Variants in RBFOX1 observed in about 807,000 individuals in gnomAD.
RBFOX1 encodes RNA binding fox-1 homolog 1, also known as RNA binding protein fox-1 homolog 1.
In RBFOX1, 8 loss-of-function variants were observed where a neutral mutation model predicts 57.7. The observed-to-expected ratio is 0.14, with a 90% CI of 0.08 to 0.25. The LOEUF is 0.25. Among genes scored for constraint, RBFOX1 ranks in the 10% least tolerant of loss-of-function variants. The pLI is 1.00. For synonymous variants in RBFOX1, 326 were observed against 222.4 expected, an observed-to-expected ratio of 1.47 and a Z score of -4.15; for missense variants, 611 against 548.5, an observed-to-expected ratio of 1.11 and a Z score of -1.14.
intron 4 of RBFOX1, among the ~76,000 whole-genome samples, chr16:5,904,774 A>C (rs185151151): frequency 6.6e-6 from 1 of 151,314 alleles, no homozygotes; most frequent in Non-Finnish European, 1.5e-5. Context: ...TCAGGAGATC[A>C]AGACCATCCT....
chr16:6,076,364 C>T (rs983599521), intron 1 of RBFOX1, among the ~76,000 whole-genome samples: 4 of 151,880 alleles, frequency 2.6e-5, no homozygotes, highest in Non-Finnish European at 5.9e-5. Flanking sequence ...ACACACACCC[C>T]ACCTCTTTGG....
chr16:6,703,369 T>A (rs2062159961), intron 3 of RBFOX1, among the ~76,000 whole-genome samples: 1 of 151,382 alleles, frequency 6.6e-6, no homozygotes, highest in Non-Finnish European at 1.5e-5. Context: ...AGCCCAGGGG[T>A]TTGAGGCCAG....
intron 3 of RBFOX1, among the ~76,000 whole-genome samples, chr16:6,810,638 A>T (rs1177255133): frequency 1.3e-5 from 2 of 152,164 alleles, no homozygotes; most frequent in African/African-American, 4.8e-5. Context: ...TTTATAAAGG[A>T]AAGAGGTTTA....
rs940154941 is a variant in RBFOX1 at position 6,585,789 on chromosome 16, C to G, written c.-63-68814C>G. Among the ~76,000 whole-genome samples the G allele has an allele frequency of 5.3e-5, 8 of 152,176 alleles. No homozygotes were observed. The South Asian group carries it at 1.7e-3, about 32-fold the overall frequency. Reference sequence around the variant, plus strand: ...GCAAAACTAATTTAGTTTTTTTCTTCTTTCTTTCTCTCCTCTTTGACAATT... The same window carrying G: ...GCAAAACTAATTTAGTTTTTTTCTTGTTTCTTTCTCTCCTCTTTGACAATT... On this transcript the variant is annotated intron_variant, in intron 2 of 15. Coordinates refer to ENST00000550418, the MANE Select transcript of RBFOX1 (RefSeq NM_018723.4).
chr16:6,460,827 C>CAAAAAAAAAAAA (rs57208986), intron 2 of RBFOX1, among the ~76,000 whole-genome samples: 4 of 141,328 alleles, frequency 2.8e-5, no homozygotes, highest in African/African-American at 1.1e-4. Context: ...TTCAGAATAC[C>CAAAAAAAAAAAA]AAAAAAAAAA....
At chr16:7,076,106 A>G (rs1397395478) in intron 4 of RBFOX1, among the ~76,000 whole-genome samples, 1 of 147,134 alleles carries the variant, frequency 6.8e-6, no homozygotes, top group Admixed American at 6.9e-5. Flanking sequence ...CCATGGCGCG[A>G]TCTCGGCTCA....
intron 1 of RBFOX1, among the ~76,000 whole-genome samples, chr16:5,330,139 C>A (rs996679465): frequency 6.6e-6 from 1 of 152,132 alleles, no homozygotes; most frequent in Admixed American, 6.5e-5. Flanking sequence ...GGGGCCACAC[C>A]TCCAAATACC....
chr16:6,268,599 C>A (rs375658433), intron 1 of RBFOX1, among the ~76,000 whole-genome samples: 2 of 152,076 alleles, frequency 1.3e-5, no homozygotes, highest in African/African-American at 4.8e-5. Flanking sequence ...GACTATAGTT[C>A]AGTTTGTTAA....
At chr16:5,497,582 G>T (rs1285244780) in intron 2 of RBFOX1, among the ~76,000 whole-genome samples, 1 of 144,952 alleles carries the variant, frequency 6.9e-6, no homozygotes, top group Non-Finnish European at 1.5e-5. Flanking sequence ...TTCAAGACCA[G>T]CTTGGCCAAC....
chr16:7,586,655 A>G (rs996104051), intron 6 of RBFOX1, among the ~76,000 whole-genome samples: 1 of 152,184 alleles, frequency 6.6e-6, no homozygotes, highest in African/African-American at 2.4e-5. Flanking sequence ...TCTAAAATCT[A>G]TTTGTTTAAC....
At chr16:5,522,339 T>C (rs2044054608) in intron 2 of RBFOX1, among the ~76,000 whole-genome samples, 1 of 152,256 alleles carries the variant, frequency 6.6e-6, no homozygotes, top group Admixed American at 6.5e-5. Context: ...TAAAGCACGT[T>C]GCATACATAC....
At chr16:7,631,807 T>C (rs772909555) in intron 11 of RBFOX1, among the ~76,000 whole-genome samples, 24 of 152,196 alleles carry the variant, frequency 1.6e-4, no homozygotes, top group Non-Finnish European at 1.3e-4. Flanking sequence ...TCCTCACTGT[T>C]GGGGCAGCAC....
chr16:6,022,675 C>A (rs766756084), intron 1 of RBFOX1, among the ~76,000 whole-genome samples: 1 of 152,116 alleles, frequency 6.6e-6, no homozygotes, highest in Non-Finnish European at 1.5e-5. Context: ...CAGAATGAGA[C>A]CCTGCCTCAA....
intron 1 of RBFOX1, among the ~76,000 whole-genome samples, chr16:6,078,966 C>A (rs1343684307): frequency 1.3e-5 from 2 of 152,120 alleles, no homozygotes; most frequent in African/African-American, 2.4e-5. Context: ...CCACAGATAG[C>A]CTTTATTATA....
At chr16:7,452,666 C>G (rs189547799) in intron 4 of RBFOX1, among the ~76,000 whole-genome samples, 18 of 152,254 alleles carry the variant, frequency 1.2e-4, no homozygotes, top group Admixed American at 9.2e-4. Flanking sequence ...GATGTATAGG[C>G]TCAGACTTCA....
intron 1 of RBFOX1, among the ~76,000 whole-genome samples, chr16:6,094,577 T>C (rs1320431785): frequency 6.6e-6 from 1 of 152,182 alleles, no homozygotes; most frequent in African/African-American, 2.4e-5. Context: ...AGGGCTAGTT[T>C]TGAAGCAGGT....
intron 1 of RBFOX1, among the ~76,000 whole-genome samples, chr16:5,442,396 C>G (rs913533412): frequency 6.6e-6 from 1 of 152,172 alleles, no homozygotes; most frequent in African/African-American, 2.4e-5. Flanking sequence ...GGACTGGAAG[C>G]TCAATGTGAG....
chr16:7,346,410 A>G (rs1264241228), intron 4 of RBFOX1, among the ~76,000 whole-genome samples: 5 of 151,988 alleles, frequency 3.3e-5, no homozygotes, highest in Non-Finnish European at 7.4e-5. Flanking sequence ...ATTAAGGAGC[A>G]TTTTGTACAG....
At chr16:6,323,166 C>G (rs1388718281) in intron 2 of RBFOX1, among the ~76,000 whole-genome samples, 3 of 152,116 alleles carry the variant, frequency 2.0e-5, no homozygotes, top group Non-Finnish European at 4.4e-5. Context: ...GAAGAAATAA[C>G]AATTCCTTCT....
Sources: gnomAD v4.1 joint callset for allele counts (sites outside exome capture counted in the v4.1 genomes callset) on GRCh38, gnomAD v4.1.1 for gene constraint, MANE v1.5 for transcripts, NCBI Gene and HGNC (gene_info 2026-07-23, HGNC 2026-07-21) for gene names.